The following SLFN5 variants were observed in gnomAD, a reference collection of about 807,000 sequenced individuals.
SLFN5 encodes schlafen family member 5.
Under a neutral mutation model 48.5 loss-of-function variants are expected in SLFN5, and 34 were observed. That is an observed-to-expected ratio of 0.70 (90% CI 0.53 to 0.93). The LOEUF (loss-of-function observed/expected upper bound fraction) is 0.93. SLFN5 is among the 40% of genes least tolerant of loss of function. The pLI, the probability that SLFN5 is intolerant of heterozygous loss-of-function variation, is 0.00. For missense variants in SLFN5, 1,006 were observed against 1,071.3 expected (o/e 0.94, Z 0.85); for synonymous variants, 387 against 396.2 (o/e 0.98, Z 0.28).
At position 35,266,568 on chromosome 17, in the gene SLFN5, A is replaced by T. The variant is rs1483114136; in HGVS notation, c.*680A>T. ...TTTTGTGAGCCTTTTGGTTATGTGG[A>T]ATCTGTTCCTTAGCTCTGATTTTTT... On this transcript the variant is annotated 3_prime_UTR_variant, in exon 5 of 5. Transcript: ENST00000299977. 1 of 152,026 alleles carries T rather than the reference A, an allele frequency of 6.6e-6. No homozygotes were observed. Among genetic ancestry groups the T allele is most frequent in the African/African-American group, 2.4e-5 (1 of 41,374 alleles). 9.4% of individuals were successfully genotyped at this position (152,026 alleles called of 1,614,324 possible).
rs1904651601 is a variant in SLFN5, at chr17:35,265,439, G to A, written c.2227G>A (p.Val743Met). The A allele has an allele frequency of 2.5e-6, 4 of 1,614,096 alleles. No individual in the cohort carries two copies. Among genetic ancestry groups the A allele is most frequent in the Non-Finnish European group, 3.4e-6 (4 of 1,180,060 alleles). ...PPPNLPPGSL[V>M]MLYEPKWAQG... ...ACCTAACCTCCCCCCTGGGTCCCTG[G>A]TGATGCTCTATGAACCTAAATGGGC... The change falls in exon 5 of 5, where the codon GTG becomes ATG. Residue 743 changes from valine to methionine, a missense_variant. By Grantham distance (21) the Val-to-Met change is conservative. Coordinates refer to ENST00000299977, the MANE Select transcript of SLFN5 (RefSeq NM_144975.4).
rs758319316 is a variant in SLFN5 at position 35,265,310 on chromosome 17, TCAGAC to T, written c.2102_2106del (p.Asp701ValfsTer18). ...GAGTTGCAGTGGCCTCCCCCCTCCC[TCAGAC>T]CAGTATCCAAGAGAAGAGATCAACA... On this transcript the variant is annotated frameshift_variant, in exon 5 of 5. Coordinates refer to ENST00000299977, the MANE Select transcript of SLFN5 (RefSeq NM_144975.4). LOFTEE classifies it low-confidence loss of function (END_TRUNC). 3.1e-6 allele frequency: 5 copies of T among 1,614,090 alleles called. No individual in the cohort carries two copies. Among genetic ancestry groups the T allele is most frequent in the Non-Finnish European group, 4.2e-6 (5 of 1,180,002 alleles).
rs995864077 is a variant in SLFN5 at position 35,267,859 on chromosome 17, A to T, written c.*1971A>T. ...AACCAGAATTCTTGTTAATATGGCC[A>T]GTTTGAAGGGTGGTGGCGGAGGTAT... On this transcript the variant is annotated 3_prime_UTR_variant, in exon 5 of 5. Coordinates refer to ENST00000299977, the MANE Select transcript of SLFN5 (RefSeq NM_144975.4). The T allele has an allele frequency of 6.6e-6, 1 of 152,270 alleles. No homozygotes were observed. The highest frequency in any genetic ancestry group is 1.9e-4 in the East Asian group (1 of 5,202). 9.4% of individuals were successfully genotyped at this position (152,270 alleles called of 1,614,324 possible).
Position 35,264,658 on chromosome 17 carries a change from T to G in SLFN5, c.1614T>G (p.Leu538=), listed in dbSNP as rs1242488233. The stretch of plus-strand genomic sequence containing the variant: ...TACAGTCCCTCGTGATAGTCTTGCT[T>G]GGGTTCAAATCCTTCTTAAGTGAAG... The part of the protein sequence containing the change: ...ALLQSLVIVL[L]GFKSFLSEEL... The change falls in exon 4 of 5, where the codon CTT becomes CTG. Residue 538 remains leucine, a synonymous_variant. Transcript: ENST00000299977. 2 of 1,614,048 alleles carry G rather than the reference T, an allele frequency of 1.2e-6. No homozygotes were observed. Among genetic ancestry groups the G allele is most frequent in the Non-Finnish European group, 8.5e-7 (1 of 1,179,970 alleles).
In SLFN5 at chr17:35,259,183, GA is replaced by G; in HGVS notation, c.495del (p.Gly166ValfsTer3). 1.2e-6 allele frequency: 2 copies of G among 1,614,140 alleles called. No individual in the cohort carries two copies. Among genetic ancestry groups the G allele is most frequent in the Non-Finnish European group, 1.7e-6 (2 of 1,180,034 alleles). ...GGCAGCTCAGGGTAGTGTACAATAT[GA>G]AGGTAACATAAATGTGTCAGCTGCT... ...PQAAQGSVQYEGNINVSAAAL... is the reference protein window; with the variant it reads ...PQAAQGSVQYXGNINVSAAAL... On this transcript the variant is annotated frameshift_variant, in exon 2 of 5. Coordinates refer to ENST00000299977, the MANE Select transcript of SLFN5 (RefSeq NM_144975.4). LOFTEE classifies it high-confidence loss of function.
rs926458431 is a variant in SLFN5, at chr17:35,273,604, A to G, written c.*7716A>G. 2.6e-5 allele frequency: 4 copies of G among 151,266 alleles called. No individual in the cohort carries two copies. Among genetic ancestry groups the G allele is most frequent in the South Asian group, 2.1e-4 (1 of 4,742 alleles). 9.4% of individuals were successfully genotyped at this position (151,266 alleles called of 1,614,324 possible). On this transcript the variant is annotated 3_prime_UTR_variant, in exon 5 of 5. Coordinates refer to ENST00000299977, the MANE Select transcript of SLFN5 (RefSeq NM_144975.4). ...AAAATGTAAGTGTTAACATTTTTAT[A>G]TTTGCTTCAAGCTTTTTTTTTAAAT...
rs1175821270 is a variant in SLFN5, at chr17:35,271,337, A to G, written c.*5449A>G. 1 of 152,246 alleles carries G rather than the reference A, an allele frequency of 6.6e-6. No homozygotes were observed. The highest frequency in any genetic ancestry group is 2.4e-5 in the African/African-American group (1 of 41,466). The allele number at this position is 152,246 out of a possible 1,614,324, so 9.4% of individuals were successfully genotyped here. Reference sequence around the variant, plus strand: ...AACGTACTATAACAAGAAAAAATGAATTGAGAAGAAAGTAGTGGTTTTAAG... The same window carrying G: ...AACGTACTATAACAAGAAAAAATGAGTTGAGAAGAAAGTAGTGGTTTTAAG... On this transcript the variant is annotated 3_prime_UTR_variant, in exon 5 of 5. Transcript: ENST00000299977.
intron 1 of SLFN5, among the ~76,000 whole-genome samples, chr17:35,245,142 TCACTTAAAGAAAG>T (rs1175200726): frequency 3.3e-5 from 5 of 152,224 alleles, no homozygotes; most frequent in African/African-American, 1.2e-4. Flanking sequence ...TTTCACTGTT[TCACTTAAAGAAAG>T]CACTTAAAGA....
rs2142706588 is a variant in SLFN5, at chr17:35,265,802, GCC to G, written c.2593_2594del (p.Pro865ThrfsTer14). On this transcript the variant is annotated frameshift_variant, in exon 5 of 5. Coordinates refer to ENST00000299977, the MANE Select transcript of SLFN5 (RefSeq NM_144975.4). LOFTEE classifies it low-confidence loss of function (END_TRUNC). ...CGTGTTTGGAATCAATCCAGGAGTAGCCCCACCGGCTGGGGCCTACAATCTTC... is the reference window on the plus strand; with the variant it reads ...CGTGTTTGGAATCAATCCAGGAGTAGCCACCGGCTGGGGCCTACAATCTTC... ...NIVFGINPGV[A>X]PPAGAYNLLL... 8 of 1,614,170 alleles carry G rather than the reference GCC, an allele frequency of 5.0e-6. No individual in the cohort carries two copies. The East Asian group carries it at 1.8e-4, about 36-fold the overall frequency.
intron 1 of SLFN5, among the ~76,000 whole-genome samples, chr17:35,255,396 C>T (rs2092451908): frequency 6.6e-6 from 1 of 152,150 alleles, no homozygotes; most frequent in Admixed American, 6.5e-5. Flanking sequence ...GAAATAAAAA[C>T]AACATAGAAA....
intron 1 of SLFN5, 77 bp from the exon 2 acceptor site, chr17:35,258,574 G>C (rs903097524): frequency 2.9e-5 from 37 of 1,265,666 alleles, no homozygotes; most frequent in Admixed American, 1.2e-4. Context: ...ACCTCAGTAG[G>C]ATGGCCTTAA....
intron 1 of SLFN5, among the ~76,000 whole-genome samples, chr17:35,243,753 C>A (rs2092424441): frequency 6.6e-6 from 1 of 152,200 alleles, no homozygotes; most frequent in Non-Finnish European, 1.5e-5. Context: ...TTCCGTTTCC[C>A]TCTTGCATGT....
At chr17:35,246,789 AG>A (rs1186487110) in intron 1 of SLFN5, among the ~76,000 whole-genome samples, 1 of 151,504 alleles carries the variant, frequency 6.6e-6, no homozygotes, top group African/African-American at 2.4e-5. Context: ...CAAGGGGTGG[AG>A]GTTCCAGTGA....
chr17:35,244,756 A>G (rs1237144592), intron 1 of SLFN5, among the ~76,000 whole-genome samples: 1 of 152,116 alleles, frequency 6.6e-6, no homozygotes, highest in East Asian at 1.9e-4. Flanking sequence ...CAGCCTGGCC[A>G]ACATGGTGAA....
At chr17:35,249,203 GA>G (rs1475639634) in intron 1 of SLFN5, among the ~76,000 whole-genome samples, 10 of 152,138 alleles carry the variant, frequency 6.6e-5, no homozygotes, top group Admixed American at 6.5e-4. Flanking sequence ...AATTGGAATG[GA>G]AAACAACCCC....
chr17:35,250,796 TC>T (rs1337843933), intron 1 of SLFN5, among the ~76,000 whole-genome samples: 3 of 152,334 alleles, frequency 2.0e-5, no homozygotes, highest in Admixed American at 1.3e-4. Flanking sequence ...TTTCTTGCTC[TC>T]AGCCTTAGTA....
rs768721704 is a variant in SLFN5 at position 35,265,110 on chromosome 17, A to G, written c.1898A>G (p.Lys633Arg). The G allele has an allele frequency of 1.3e-5, 21 of 1,613,474 alleles. No individual in the cohort carries two copies. The South Asian group carries it at 2.2e-4, about 17-fold the overall frequency. ...AACATCTGCCAGCCAGTGACCCGGA[A>G]AACCTTCATGAAAAACAACTTTGAA... ...KKNICQPVTR[K>R]TFMKNNFEHI... is the part of the protein sequence containing the mutation. Residue 633 changes from lysine to arginine, a missense_variant, in exon 5 of 5, where the codon AAA becomes AGA. Physicochemically the swap from Lys to Arg is conservative, Grantham distance 26 (BLOSUM62 2). Transcript: ENST00000299977.
rs964572288 is a variant in SLFN5 at position 35,258,642 on chromosome 17, G to GT, written c.-40-4dup. ...CCTGTTCTAATGGTTCTATCTTTCT[G>GT]TTTTTCAGGAGAACATTTCAGGATA... On this transcript the variant is annotated splice_polypyrimidine_tract_variant and intron_variant, in intron 1 of 4. Coordinates refer to ENST00000299977, the MANE Select transcript of SLFN5 (RefSeq NM_144975.4). 2.6e-5 allele frequency: 41 copies of GT among 1,567,818 alleles called. No homozygotes were observed. Among genetic ancestry groups the GT allele is most frequent in the Non-Finnish European group, 3.5e-5 (41 of 1,157,066 alleles).
At chr17:35,248,151 C>T (rs1179739996) in intron 1 of SLFN5, among the ~76,000 whole-genome samples, 1 of 152,142 alleles carries the variant, frequency 6.6e-6, no homozygotes, top group African/African-American at 2.4e-5. Context: ...GCTCATGCAC[C>T]TACCTTCCTA....
Sources: allele counts gnomAD v4.1 joint callset (sites outside exome capture counted in the v4.1 genomes callset), GRCh38; gene constraint gnomAD v4.1.1; transcripts MANE v1.5; gene names NCBI Gene and HGNC (gene_info 2026-07-23, HGNC 2026-07-21).